Variants in ATG2B observed in about 807,000 individuals in gnomAD.
ATG2B encodes autophagy-related protein 2 homolog B.
In ATG2B, 121 loss-of-function variants were observed where a neutral mutation model predicts 241.3. The observed-to-expected ratio is 0.50, with a 90% confidence interval of 0.43 to 0.58. The LOEUF (loss-of-function observed/expected upper bound fraction) is 0.58, where lower values mean the gene tolerates loss of function less well. Among genes scored for constraint, ATG2B ranks in the 20% least tolerant of loss-of-function variants. ATG2B has a pLI of 0.00. For missense variants in ATG2B, 2,306 were observed against 2,491.6 expected, an observed-to-expected ratio of 0.93 and a Z score of 1.59; for synonymous variants, 858 against 876.6, an observed-to-expected ratio of 0.98 and a Z score of 0.37.
chr14:96,313,283 G>A, intron 24 of ATG2B, 46 bp downstream of exon 24: 1 of 1,439,550 alleles, frequency 6.9e-7, no homozygotes, highest in Non-Finnish European at 9.5e-7. Flanking sequence ...TCAAAATTTA[G>A]TAGCATTTTA....
At chr14:96,322,883 C>A in intron 16 of ATG2B, 148 bp from the exon 17 acceptor site, 1 of 630,980 alleles carries the variant, frequency 1.6e-6, no homozygotes, top group Non-Finnish European at 2.6e-6. Context: ...TCTAAGGTAA[C>A]CCACTTATGA....
intron 21 of ATG2B, 146 bp from the exon 22 acceptor site, chr14:96,315,729 A>G (rs1887292670): frequency 2.7e-5 from 17 of 640,852 alleles, no homozygotes; most frequent in Non-Finnish European, 4.5e-5. Context: ...CATGGCATTA[A>G]TAATCCACTC....
chr14:96,359,926 C>G (rs1489065436), intron 1 of ATG2B, among the ~76,000 whole-genome samples: 2 of 152,108 alleles, frequency 1.3e-5, no homozygotes, highest in Non-Finnish European at 2.9e-5. Context: ...GCACTGGCAC[C>G]TTCCTTCAAG....
Position 96,311,286 on chromosome 14 carries a change from G to A in ATG2B, c.3992C>T (p.Thr1331Ile), listed in dbSNP as rs745588158. ...ACAGTGTAACTCAAAGCGGGGCTCAGTCTGGACAAGACACAGAAAAAGGGA... is the reference window on the plus strand; with the variant it reads ...ACAGTGTAACTCAAAGCGGGGCTCAATCTGGACAAGACACAGAAAAAGGGA... ...AVKSDSDGEQ[T>I]EPRFELHCSS... Residue 1331 changes from threonine to isoleucine, a missense_variant and splice_region_variant, in exon 28 of 42, where the codon ACT becomes ATT. Physicochemically the swap from Thr to Ile is moderately conservative, Grantham distance 89 (BLOSUM62 -1). Transcript: ENST00000359933. 2 of 1,609,216 alleles carry A rather than the reference G, an allele frequency of 1.2e-6. No homozygotes were observed. The highest frequency in any genetic ancestry group is 1.7e-6 in the Non-Finnish European group (2 of 1,178,124).
At chr14:96,327,116 GC>G (rs1887606314) in intron 14 of ATG2B, among the ~76,000 whole-genome samples, 1 of 152,052 alleles carries the variant, frequency 6.6e-6, no homozygotes, top group African/African-American at 2.4e-5. Flanking sequence ...CATGCATGTA[GC>G]CCCAACTATT....
rs1193591071 is a variant in ATG2B, at chr14:96,345,391, G to A, written c.326-6C>T. The A allele has an allele frequency of 1.3e-6, 2 of 1,584,466 alleles. No individual in the cohort carries two copies. On this transcript the variant is annotated splice_polypyrimidine_tract_variant and splice_region_variant and intron_variant, in intron 2 of 41. Transcript: ENST00000359933. ...CATAGGCTCAGAACCAGTTGCTGTG[G>A]AAAATATAAATTAATCCTAAATAAT...
chr14:96,325,204 G>T (rs1234095259), intron 15 of ATG2B, among the ~76,000 whole-genome samples: 1 of 152,006 alleles, frequency 6.6e-6, no homozygotes, highest in African/African-American at 2.4e-5. Flanking sequence ...TTCCTTCTAG[G>T]TCCACAGATG....
In ATG2B at chr14:96,363,032, C is replaced by G; in HGVS notation, c.-56G>C. On this transcript the variant is annotated 5_prime_UTR_variant, in exon 1 of 42. Coordinates refer to ENST00000359933, the MANE Select transcript of ATG2B (RefSeq NM_018036.7). ...CTGCGGGTTGCGACGGCTCCGGCCT[C>G]GGGGTAGCGACTCCGGCTCCAGGCC... 6.2e-7 allele frequency: 1 copy of G among 1,602,986 alleles called. No individual in the cohort carries two copies. The highest frequency in any genetic ancestry group is 2.2e-5 in the East Asian group (1 of 44,622).
chr14:96,337,552 T>C (rs1276080011), intron 6 of ATG2B, among the ~76,000 whole-genome samples: 1 of 152,290 alleles, frequency 6.6e-6, no homozygotes, highest in Non-Finnish European at 1.5e-5. Flanking sequence ...CTAAAAAATA[T>C]GTTTTTGTAT....
chr14:96,359,552 T>C (rs1888569570), intron 1 of ATG2B, among the ~76,000 whole-genome samples: 2 of 152,136 alleles, frequency 1.3e-5, no homozygotes, highest in African/African-American at 4.8e-5. Flanking sequence ...AGAAATTCCA[T>C]TTAAAAATCA....
rs1411341284 is a variant in ATG2B at position 96,291,668 on chromosome 14, C to G, written c.5511G>C (p.Gly1837=). Residue 1837 remains glycine, a synonymous_variant, in exon 38 of 42, where the codon GGG becomes GGC. Coordinates refer to ENST00000359933, the MANE Select transcript of ATG2B (RefSeq NM_018036.7). ...TTAACTGAGCCAGACCAATCAAAATCCCAGCTAGCGTACCCTTCAAAATTA... is the reference window on the plus strand; with the variant it reads ...TTAACTGAGCCAGACCAATCAAAATGCCAGCTAGCGTACCCTTCAAAATTA... ...HVSMDQGTLA[G]ILIGLAQLNC... is the part of the protein sequence containing the mutation. 6.2e-7 allele frequency: 1 copy of G among 1,606,780 alleles called. No individual in the cohort carries two copies. The highest frequency in any genetic ancestry group is 1.3e-5 in the African/African-American group (1 of 74,814).
intron 6 of ATG2B, among the ~76,000 whole-genome samples, chr14:96,340,111 ATATATATGAATATATATAT>A: frequency 8.6e-5 from 2 of 23,386 alleles, no homozygotes; most frequent in South Asian, 2.7e-3. Flanking sequence ...AGAATATATG[ATATATATGAATATATATAT>A]CATATATGAT....
chr14:96,328,132 T>G (rs972992947), intron 14 of ATG2B, among the ~76,000 whole-genome samples: 2 of 152,204 alleles, frequency 1.3e-5, no homozygotes, highest in Non-Finnish European at 2.9e-5. Context: ...TCATTTTAAA[T>G]GACCACATAA....
intron 14 of ATG2B, among the ~76,000 whole-genome samples, chr14:96,326,731 T>C (rs1887596104): frequency 6.6e-6 from 1 of 152,192 alleles, no homozygotes; most frequent in South Asian, 2.1e-4. Flanking sequence ...ACAATTTTTG[T>C]GTTTGTTTTT....
chr14:96,286,267 C>A (rs917618246), intron 41 of ATG2B, among the ~76,000 whole-genome samples: 6 of 152,118 alleles, frequency 3.9e-5, no homozygotes, highest in African/African-American at 1.4e-4. Flanking sequence ...GACAGAAATA[C>A]GGGCTTTGCT....
intron 20 of ATG2B, 113 bp downstream of exon 20, chr14:96,317,032 G>T (rs1053168222): frequency 2.9e-6 from 3 of 1,048,532 alleles, no homozygotes; most frequent in African/African-American, 3.2e-5. Context: ...GTCTTCATCA[G>T]TCCCTGAAAC....
In ATG2B at chr14:96,309,450, T is replaced by TA. The variant is rs757073904; in HGVS notation, c.4303+2dup. ...TGCTCCCTGAGAAGAGTCCTGGTCTTACCATTAGCCTGTGGTTTTACTGAC... is the reference window on the plus strand; with the variant it reads ...TGCTCCCTGAGAAGAGTCCTGGTCTTAACCATTAGCCTGTGGTTTTACTGAC... On this transcript the variant is annotated splice_region_variant and intron_variant, in intron 29 of 41. Coordinates refer to ENST00000359933, the MANE Select transcript of ATG2B (RefSeq NM_018036.7). 2 of 1,613,332 alleles carry TA rather than the reference T, an allele frequency of 1.2e-6. No individual in the cohort carries two copies. The highest frequency in any genetic ancestry group is 1.7e-6 in the Non-Finnish European group (2 of 1,179,586).
At chr14:96,297,058 C>CATTATATTGTT (rs1271454486) in intron 34 of ATG2B, among the ~76,000 whole-genome samples, 2 of 151,928 alleles carry the variant, frequency 1.3e-5, no homozygotes, top group African/African-American at 4.8e-5. Context: ...ATGAATTGTT[C>CATTATATTGTT]ATTATATTGT....
chr14:96,328,717 C>G lies in ATG2B; in HGVS notation c.1931G>C (p.Cys644Ser), dbSNP rs780995175. The G allele has an allele frequency of 6.2e-7, 1 of 1,612,294 alleles. No individual in the cohort carries two copies. The highest frequency in any genetic ancestry group is 8.5e-7 in the Non-Finnish European group (1 of 1,179,382). ...KEETGSHSPV[C>S]LQLHYKHSEN... ...AGAATGCTTATAATGAAGCTGAAGA[C>G]ACACAGGGGAATGGGAACCAGTTTC... The change falls in exon 13 of 42, where the codon TGT (cysteine) becomes TCT (serine). Residue 644 changes from cysteine (C) to serine (S), a missense_variant. This residue lies in a region of ATG2B where 1,927 missense variants were observed against 2,011.2 expected (regional missense o/e 0.96). Coordinates refer to ENST00000359933, the MANE Select transcript of ATG2B (RefSeq NM_018036.7).
Sources: gnomAD v4.1 joint callset for allele counts (sites outside exome capture counted in the v4.1 genomes callset) on GRCh38, gnomAD v4.1.1 for gene constraint, gnomAD v4.1.1 regional missense constraint, MANE v1.5 for transcripts, NCBI Gene and HGNC (gene_info 2026-07-23, HGNC 2026-07-21) for gene names.